The following SV2C variants were observed in gnomAD, a reference collection of about 807,000 sequenced individuals.
SV2C encodes the protein solute carrier family 22 member B3.
In SV2C, 49 loss-of-function variants were observed where a neutral mutation model predicts 79.7. That is an observed-to-expected ratio of 0.61 (90% CI 0.49 to 0.78). SV2C has a LOEUF of 0.78. SV2C is among the 30% of genes least tolerant of loss of function. SV2C has a pLI of 0.00. For missense variants in SV2C, 833 were observed against 912.9 expected, an observed-to-expected ratio of 0.91 and a Z score of 1.13; for synonymous variants, 334 against 333.2, an observed-to-expected ratio of 1.00 and a Z score of -0.03.
intron 2 of SV2C, among the ~76,000 whole-genome samples, chr5:76,184,631 G>T (rs540849191): frequency 1.6e-4 from 25 of 152,288 alleles, no homozygotes; most frequent in Middle Eastern, 3.4e-3. Flanking sequence ...CTGAGCGAAG[G>T]GGGGAAGCCC....
chr5:76,062,462 T>A, the SV2C span, among the ~76,000 whole-genome samples: 1 of 152,134 alleles, frequency 6.6e-6, no homozygotes, highest in Non-Finnish European at 1.5e-5. Flanking sequence ...ACAATGAACC[T>A]GCTGGCACCT....
At chr5:76,023,735 G>C in the SV2C span, among the ~76,000 whole-genome samples, 1 of 148,140 alleles carries the variant, frequency 6.8e-6, no homozygotes, top group Non-Finnish European at 1.5e-5. Context: ...TATATTTTAA[G>C]AACATGGAAT....
At chr5:76,013,905 T>G in the SV2C span, among the ~76,000 whole-genome samples, 3 of 152,170 alleles carry the variant, frequency 2.0e-5, no homozygotes, top group African/African-American at 7.2e-5. Context: ...ATTTATACAA[T>G]AGTTGTATTC....
intron 4 of SV2C, chr5:76,242,364 C>A: frequency 8.6e-7 from 1 of 1,157,250 alleles, no homozygotes; most frequent in Non-Finnish European, 1.2e-6. Context: ...GGGCTTTGGT[C>A]GGACCGGGGG....
the SV2C span, among the ~76,000 whole-genome samples, chr5:75,903,601 A>G: frequency 8.3e-3 from 1,260 of 152,312 alleles, 24 homozygotes; most frequent in African/African-American, 0.029. Flanking sequence ...TTAGAATTTC[A>G]GCCTGCACAG....
chr5:76,347,592 C>T (rs752636261), intron 12 of SV2C, among the ~76,000 whole-genome samples: 8 of 152,098 alleles, frequency 5.3e-5, no homozygotes, highest in South Asian at 4.2e-4. Context: ...CAGGCATGCA[C>T]CACAATGCCC....
the SV2C span, among the ~76,000 whole-genome samples, chr5:76,064,220 T>G: frequency 6.6e-6 from 1 of 152,134 alleles, no homozygotes; most frequent in Non-Finnish European, 1.5e-5. Context: ...AACAGAAATC[T>G]GAGAAAGGAC....
intron 4 of SV2C, among the ~76,000 whole-genome samples, chr5:76,277,232 G>A (rs1484780972): frequency 6.6e-6 from 1 of 152,126 alleles, no homozygotes; most frequent in South Asian, 2.1e-4. Flanking sequence ...TATGTGACTC[G>A]ACCATTCCAC....
intron 4 of SV2C, among the ~76,000 whole-genome samples, chr5:76,234,108 TA>T (rs1348391445): frequency 2.6e-5 from 4 of 152,352 alleles, no homozygotes; most frequent in Admixed American, 2.6e-4. Context: ...TTATAAGCCA[TA>T]ATGTATTTGA....
intron 1 of SV2C, among the ~76,000 whole-genome samples, chr5:76,108,350 C>T (rs1053953374): frequency 4.6e-5 from 7 of 152,022 alleles, no homozygotes; most frequent in African/African-American, 9.7e-5. Context: ...GAGTGATGTG[C>T]GTTCTCTAGG....
chr5:76,084,465 G>A (rs540390336), intron 1 of SV2C, among the ~76,000 whole-genome samples: 1 of 152,058 alleles, frequency 6.6e-6, no homozygotes, highest in Admixed American at 6.5e-5. Context: ...GGGCCCACGG[G>A]GACTGCGGAA....
intron 1 of SV2C, among the ~76,000 whole-genome samples, chr5:76,105,656 T>C (rs541731587): frequency 1.4e-4 from 22 of 152,208 alleles, no homozygotes; most frequent in Non-Finnish European, 2.8e-4. Flanking sequence ...TTTTGTGACC[T>C]TGCTAACAAC....
intron 2 of SV2C, among the ~76,000 whole-genome samples, chr5:76,137,857 C>A (rs1418647731): frequency 6.6e-6 from 1 of 152,104 alleles, no homozygotes; most frequent in Non-Finnish European, 1.5e-5. Context: ...GTTGACAGGA[C>A]CCCTTCTGGC....
the SV2C span, among the ~76,000 whole-genome samples, chr5:75,878,331 G>C: frequency 6.6e-6 from 1 of 152,126 alleles, no homozygotes; most frequent in Admixed American, 6.5e-5. Context: ...TTTTGCAGTT[G>C]AGGAAGTTGA....
chr5:75,946,180 C>T, the SV2C span, among the ~76,000 whole-genome samples: 1 of 152,028 alleles, frequency 6.6e-6, no homozygotes, highest in Non-Finnish European at 1.5e-5. Flanking sequence ...ATAGAAGACA[C>T]ATACTGCAAA....
Position 76,285,206 on chromosome 5 carries a change from C to T in SV2C, c.958C>T (p.Arg320Cys), listed in dbSNP as rs1394622051. The T allele has an allele frequency of 1.1e-5, 18 of 1,614,042 alleles. No individual in the cohort carries two copies. Among genetic ancestry groups the T allele is most frequent in the South Asian group, 3.3e-5 (3 of 91,084 alleles). The part of the protein sequence containing the change: ...MGSAYQFHSW[R>C]VFVIVCALPC... ...ATCGGCCTACCAGTTTCACAGTTGG[C>T]GTGTGTTTGTCATCGTCTGTGCACT... Residue 320 changes from arginine to cysteine, a missense_variant, in exon 5 of 13, where the codon CGT becomes TGT. By Grantham distance (180) the Arg-to-Cys change is radical. Coordinates refer to ENST00000502798, the MANE Select transcript of SV2C (RefSeq NM_014979.4).
chr5:76,070,448 C>T, the SV2C span, among the ~76,000 whole-genome samples: 2 of 152,206 alleles, frequency 1.3e-5, no homozygotes, highest in African/African-American at 2.4e-5. Flanking sequence ...GCACTTCAGT[C>T]TCTTCTTCTC....
intron 4 of SV2C, among the ~76,000 whole-genome samples, chr5:76,236,810 G>T (rs1052223198): frequency 6.6e-6 from 1 of 152,156 alleles, no homozygotes; most frequent in Non-Finnish European, 1.5e-5. Flanking sequence ...GTTTGACTCT[G>T]TGTCCCCACC....
chr5:75,948,946 T>C, the SV2C span, among the ~76,000 whole-genome samples: 2 of 151,940 alleles, frequency 1.3e-5, no homozygotes, highest in African/African-American at 4.8e-5. Flanking sequence ...ATTTGTCCCT[T>C]CCCAAATCTC....
Sources: gnomAD v4.1 joint callset for allele counts (sites outside exome capture counted in the v4.1 genomes callset) on GRCh38, gnomAD v4.1.1 for gene constraint, MANE v1.5 for transcripts, NCBI Gene and HGNC (gene_info 2026-07-23, HGNC 2026-07-21) for gene names.